Variants in MORC3 observed in about 807,000 individuals in gnomAD.
MORC3 encodes MORC family CW-type zinc finger protein 3.
MORC3 carries 31 observed loss-of-function variants against 109.1 expected under a neutral mutation model. The observed-to-expected ratio is 0.28, with a 90% CI of 0.21 to 0.38. MORC3 has a LOEUF of 0.38. Among genes scored for constraint, MORC3 ranks in the 10% least tolerant of loss-of-function variants. The pLI, the probability that MORC3 is intolerant of heterozygous loss-of-function variation, is 1.00. For synonymous variants in MORC3, 395 were observed against 380.7 expected (o/e 1.04, Z -0.44); for missense variants, 867 against 1,135.8 (o/e 0.76, Z 3.40).
At chr21:36,320,330 G>A (rs774599742) in intron 1 of MORC3, 27 bp downstream of exon 1, 5 of 1,475,066 alleles carry the variant, frequency 3.4e-6, no homozygotes, top group South Asian at 2.6e-5. Context: ...GGTGGAGCGG[G>A]CCGTGTCCCA....
chr21:36,322,715 C>A (rs2085207149), intron 1 of MORC3, among the ~76,000 whole-genome samples: 1 of 152,108 alleles, frequency 6.6e-6, no homozygotes, highest in African/African-American at 2.4e-5. Context: ...GGTCGGAGAT[C>A]CCAGGATGAA....
Position 36,337,882 on chromosome 21 carries a change from G to T in MORC3, c.396G>T (p.Gln132His). The T allele has an allele frequency of 2.5e-6, 4 of 1,614,138 alleles. No individual in the cohort carries two copies. Among genetic ancestry groups the T allele is most frequent in the Non-Finnish European group, 3.4e-6 (4 of 1,180,030 alleles). ...GESMSVGLLS[Q>H]TYLEVIKAEH... ...GCATGAGCGTGGGCCTTTTGTCTCA[G>T]ACCTACTTGGAAGTCATAAAAGCGG... Residue 132 changes from glutamine to histidine, a missense_variant, in exon 4 of 17, where the codon CAG becomes CAT. Gln to His is a conservative substitution (Grantham distance 24). Around this residue, in one of 7 missense-constraint regions of MORC3, gnomAD observed 134 missense variants for 166.6 expected, o/e 0.80. Coordinates refer to ENST00000400485, the MANE Select transcript of MORC3 (RefSeq NM_015358.3).
intron 9 of MORC3, among the ~76,000 whole-genome samples, chr21:36,354,323 C>CTTTTTTTTTTTTTT (rs144208712): frequency 5.3e-5 from 6 of 113,650 alleles, no homozygotes; most frequent in Admixed American, 1.0e-4. Flanking sequence ...TTCTTTCTTT[C>CTTTTTTTTTTTTTT]TTTTTTTTTT....
intron 6 of MORC3, among the ~76,000 whole-genome samples, chr21:36,341,837 A>G (rs909287101): frequency 6.6e-6 from 1 of 152,232 alleles, no homozygotes; most frequent in Admixed American, 6.5e-5. Flanking sequence ...AGTTTTTACT[A>G]TATGCTGACA....
intron 14 of MORC3, among the ~76,000 whole-genome samples, chr21:36,365,705 C>T (rs8133668): frequency 1.4e-3 from 209 of 152,158 alleles, no homozygotes; most frequent in Middle Eastern, 6.8e-3. Flanking sequence ...CTCAGCGTCC[C>T]GAGTAGCTGG....
intron 6 of MORC3, among the ~76,000 whole-genome samples, chr21:36,342,034 TGGCCAAGA>T (rs2085453925): frequency 6.6e-6 from 1 of 152,114 alleles, no homozygotes; most frequent in Non-Finnish European, 1.5e-5. Flanking sequence ...AAGACCAGCC[TGGCCAAGA>T]TGGTCTTGAA....
In MORC3 at chr21:36,337,895, G is replaced by A; in HGVS notation, c.409G>A (p.Val137Ile). ...CCTTTTGTCTCAGACCTACTTGGAA[G>A]TCATAAAAGCGGAGCATGTTGTTGT... ...VGLLSQTYLE[V>I]IKAEHVVVPI... is the part of the protein sequence containing the mutation. The change falls in exon 4 of 17, where the codon GTC becomes ATC. Residue 137 changes from valine to isoleucine, a missense_variant. Transcript: ENST00000400485. The A allele has an allele frequency of 6.2e-7, 1 of 1,614,188 alleles. No homozygotes were observed. The highest frequency in any genetic ancestry group is 8.5e-7 in the Non-Finnish European group (1 of 1,180,036).
At chr21:36,358,697 T>C (rs892382097) in intron 10 of MORC3, among the ~76,000 whole-genome samples, 2 of 152,190 alleles carry the variant, frequency 1.3e-5, no homozygotes, top group African/African-American at 4.8e-5. Context: ...TTTTTGTTTT[T>C]GAGGTAGAGG....
chr21:36,369,182 A>G lies in MORC3; in HGVS notation c.1814A>G (p.Gln605Arg). ...AAATCAGAACAGAGTCACGTTGAGC[A>G]AGGTGGTGTTCAGGTTGAGTTTGTG... ...DMKSEQSHVE[Q>R]GGVQVEFVGD... is the part of the protein sequence containing the mutation. The change falls in exon 15 of 17, where the codon CAA becomes CGA. Residue 605 changes from glutamine to arginine, a missense_variant. Transcript: ENST00000400485. 6.2e-7 allele frequency: 1 copy of G among 1,614,190 alleles called. No homozygotes were observed.
chr21:36,329,728 A>G (rs897499331), intron 1 of MORC3, among the ~76,000 whole-genome samples: 4 of 152,234 alleles, frequency 2.6e-5, no homozygotes, highest in Non-Finnish European at 4.4e-5. Flanking sequence ...ATAACAAGGA[A>G]AGAAATAAAA....
chr21:36,365,161 G>C (rs1262509701), intron 14 of MORC3, among the ~76,000 whole-genome samples: 2 of 152,110 alleles, frequency 1.3e-5, no homozygotes, highest in Non-Finnish European at 2.9e-5. Context: ...TATTGGAGGA[G>C]TGGATGGAGA....
At position 36,353,777 on chromosome 21, in the gene MORC3, T is replaced by TTTTTTTTA. The variant is rs1472481952; in HGVS notation, c.1104-2843_1104-2842insTTTTTTTA. ...TGTATTTTTTTTTTTTTTTTTTTTT[T>TTTTTTTTA]AGTAAAGACAGAGTTTTGCCACGTT... On this transcript the variant is annotated intron_variant, in intron 9 of 16. Coordinates refer to ENST00000400485, the MANE Select transcript of MORC3 (RefSeq NM_015358.3). Among the ~76,000 whole-genome samples, 11 of 144,718 alleles carry TTTTTTTTA rather than the reference T, an allele frequency of 7.6e-5. No individual in the cohort carries two copies. In the East Asian group the frequency reaches 8.2e-4, roughly 11 times the overall value. 94.9% of individuals were successfully genotyped at this position (144,718 alleles called of 152,430 possible).
intron 9 of MORC3, among the ~76,000 whole-genome samples, chr21:36,355,434 G>A (rs2085634602): frequency 6.6e-6 from 1 of 152,154 alleles, no homozygotes. Flanking sequence ...GCAACCAAAA[G>A]ACTGGCAGCT....
Position 36,322,368 on chromosome 21 carries a change from T to TTTTTA in MORC3, c.39+2080_39+2084dup, listed in dbSNP as rs1450325156. 1.4e-4 allele frequency among the ~76,000 whole-genome samples: 22 copies of TTTTTA among 152,000 alleles called. 1 individual carries two copies. The highest frequency in any genetic ancestry group is 5.1e-4 in the African/African-American group (21 of 41,378). On this transcript the variant is annotated intron_variant, in intron 1 of 16. Transcript: ENST00000400485. The stretch of plus-strand genomic sequence containing the variant: ...AGGGTGAACCCTTAGTGTATACACT[T>TTTTTA]TTTTATTTTATTTTATTTTTTTGAG...
intron 1 of MORC3, among the ~76,000 whole-genome samples, chr21:36,323,651 A>T (rs151103921): frequency 6.7e-4 from 102 of 152,234 alleles, no homozygotes; most frequent in African/African-American, 2.4e-3. Context: ...TGCATTCTGG[A>T]TTGGAAATTC....
At chr21:36,365,893 T>C (rs1237896759) in intron 14 of MORC3, among the ~76,000 whole-genome samples, 1 of 152,214 alleles carries the variant, frequency 6.6e-6, no homozygotes, top group South Asian at 2.1e-4. Flanking sequence ...GTTTGCTCTT[T>C]ATAACCTGTG....
Position 36,327,263 on chromosome 21 carries a change from TCTC to T in MORC3, c.40-6380_40-6378del, listed in dbSNP as rs934188180. Among the ~76,000 whole-genome samples the T allele has an allele frequency of 4.1e-5, 6 of 146,686 alleles. No individual in the cohort carries two copies. In the Admixed American group the frequency reaches 4.1e-4, roughly 10 times the overall value. The stretch of plus-strand genomic sequence containing the variant: ...CCTCTTCCTCCCATGTTCAAGCAAT[TCTC>T]CTGCCACAGCCTCCTGAGTAGCTGG... On this transcript the variant is annotated intron_variant, in intron 1 of 16. Transcript: ENST00000400485.
rs1484385964 is a variant in MORC3 at position 36,337,848 on chromosome 21, A to G, written c.362A>G (p.Asn121Ser). 6.2e-7 allele frequency: 1 copy of G among 1,614,190 alleles called. No individual in the cohort carries two copies. The highest frequency in any genetic ancestry group is 1.1e-5 in the South Asian group (1 of 91,092). ...LGKDAIVFTK[N>S]GESMSVGLLS... ...AAAGACGCAATCGTTTTTACCAAAA[A>G]TGGAGAAAGCATGAGCGTGGGCCTT... The change falls in exon 4 of 17, where the codon AAT becomes AGT. Residue 121 changes from asparagine (N) to serine (S), a missense_variant. Asn to Ser is a conservative substitution (Grantham distance 46, BLOSUM62 1). Around this residue, in one of 7 missense-constraint regions of MORC3, gnomAD observed 134 missense variants for 166.6 expected, o/e 0.80. Coordinates refer to ENST00000400485, the MANE Select transcript of MORC3 (RefSeq NM_015358.3).
At chr21:36,339,154 T>G in intron 5 of MORC3, 1 of 333,622 alleles carries the variant, frequency 3.0e-6, no homozygotes, top group Non-Finnish European at 5.4e-6. Context: ...AGTCTCACTC[T>G]TGTTCCCCAG....
Sources: allele counts gnomAD v4.1 joint callset (sites outside exome capture counted in the v4.1 genomes callset), GRCh38; gene constraint gnomAD v4.1.1; regional missense constraint gnomAD v4.1.1; transcripts MANE v1.5; gene names NCBI Gene and HGNC (gene_info 2026-07-23, HGNC 2026-07-21).